The following CNOT1 variants were observed in gnomAD, a reference collection of about 807,000 sequenced individuals.
CNOT1 encodes the protein CCR4-NOT transcription complex subunit 1, also known as CCR4-associated factor 1.
In CNOT1, 15 loss-of-function variants were observed where a neutral mutation model predicts 273.8. That is an observed-to-expected ratio of 0.05 (90% CI 0.04 to 0.08). The LOEUF (loss-of-function observed/expected upper bound fraction) is 0.08. Ranked by LOEUF, CNOT1 falls within the 10% of genes least tolerant of loss-of-function variation. The pLI, the probability that CNOT1 is intolerant of heterozygous loss-of-function variation, is 1.00. For missense variants in CNOT1, 1,644 were observed against 2,912.2 expected (o/e 0.56, Z 10.02); for synonymous variants, 1,022 against 1,005.5 (o/e 1.02, Z -0.31).
intron 1 of CNOT1, among the ~76,000 whole-genome samples, chr16:58,611,200 G>A (rs533334114): frequency 6.6e-5 from 10 of 151,474 alleles, no homozygotes; most frequent in South Asian, 2.1e-4. Flanking sequence ...AGGCTGAGGC[G>A]GGTGGACTGC....
chr16:58,555,231 C>T lies in CNOT1; in HGVS notation c.2891+20G>A. On this transcript the variant is annotated intron_variant, in intron 21 of 48. Transcript: ENST00000317147. ...GCGGGGTCAGGGAAGAGATCCTTCA[C>T]AGGAAACCTATCCACTTACCTGTTT... The T allele has an allele frequency of 6.2e-7, 1 of 1,611,568 alleles. No individual in the cohort carries two copies. Among genetic ancestry groups the T allele is most frequent in the Non-Finnish European group, 8.5e-7 (1 of 1,178,704 alleles).
At chr16:58,590,350 A>C (rs1471449160) in intron 2 of CNOT1, among the ~76,000 whole-genome samples, 1 of 152,216 alleles carries the variant, frequency 6.6e-6, no homozygotes, top group African/African-American at 2.4e-5. Flanking sequence ...CATGATAATA[A>C]CATGAAAGCT....
chr16:58,543,853 T>C lies in CNOT1; in HGVS notation c.4188A>G (p.Ala1396=). The C allele has an allele frequency of 6.2e-7, 1 of 1,614,014 alleles. No individual in the cohort carries two copies. Among genetic ancestry groups the C allele is most frequent in the Non-Finnish European group, 8.5e-7 (1 of 1,180,000 alleles). The change falls in exon 31 of 49, where the codon GCA becomes GCG. Residue 1396 remains alanine, a synonymous_variant. Coordinates refer to ENST00000317147, the MANE Select transcript of CNOT1 (RefSeq NM_016284.5). ...CCAGCTCCTGGACAGCCCGTTCAAT[T>C]GCCTGACGCACACACTGCTTCAACT... is the stretch of plus-strand genomic sequence containing the variant. The part of the protein sequence containing the change: ...HPQLKQCVRQ[A]IERAVQELVH...
chr16:58,574,547 A>C (rs1033773093), intron 16 of CNOT1, 62 bp downstream of exon 16: 2 of 1,466,244 alleles, frequency 1.4e-6, no homozygotes, highest in Non-Finnish European at 1.8e-6. Context: ...TTCTTCCGCA[A>C]GTCTACAATT....
At chr16:58,610,577 C>T (rs1259965618) in intron 1 of CNOT1, among the ~76,000 whole-genome samples, 2 of 152,176 alleles carry the variant, frequency 1.3e-5, no homozygotes, top group East Asian at 1.9e-4. Context: ...GGCGCGGTGG[C>T]TCACACCTGT....
intron 1 of CNOT1, among the ~76,000 whole-genome samples, chr16:58,603,791 G>A (rs982991261): frequency 6.6e-6 from 1 of 152,054 alleles, no homozygotes; most frequent in Non-Finnish European, 1.5e-5. Context: ...TCTCAGTGAA[G>A]ACACTCTGAC....
At chr16:58,625,989 G>C (rs2043563172) in intron 1 of CNOT1, among the ~76,000 whole-genome samples, 1 of 152,004 alleles carries the variant, frequency 6.6e-6, no homozygotes, top group African/African-American at 2.4e-5. Flanking sequence ...TCTATATATA[G>C]AGTCACTCAA....
chr16:58,603,303 G>A (rs1177914055), intron 1 of CNOT1, among the ~76,000 whole-genome samples: 3 of 152,150 alleles, frequency 2.0e-5, no homozygotes, highest in Non-Finnish European at 4.4e-5. Context: ...GCTGAGGCAG[G>A]AGGACTGCTT....
At chr16:58,556,019 A>T (rs1365566396) in intron 19 of CNOT1, 111 bp from the exon 20 acceptor site, 11 of 1,504,236 alleles carry the variant, frequency 7.3e-6, no homozygotes, top group Non-Finnish European at 1.8e-6. Context: ...GAAATATAAA[A>T]AAACTGGAAA....
At chr16:58,589,503 ACGT>A (rs1411989792) in intron 2 of CNOT1, among the ~76,000 whole-genome samples, 1 of 152,042 alleles carries the variant, frequency 6.6e-6, no homozygotes, top group African/African-American at 2.4e-5. Context: ...CAAGAGTGAA[ACGT>A]CGTCTCAAAA....
rs548884375 is a variant in CNOT1, at chr16:58,599,422, C to T, written c.-85G>A. On this transcript the variant is annotated 5_prime_UTR_variant, in exon 2 of 49. Transcript: ENST00000317147. Reference sequence around the variant, plus strand: ...TAGTCACCTCAGAGGCAGGTTAATGCTTTCTTTGTAATTAGGCTATATCTG... The same window carrying T: ...TAGTCACCTCAGAGGCAGGTTAATGTTTTCTTTGTAATTAGGCTATATCTG... 6 of 1,547,026 alleles carry T rather than the reference C, an allele frequency of 3.9e-6. No homozygotes were observed. The South Asian group carries it at 4.5e-5, about 12-fold the overall frequency.
chr16:58,584,591 C>G (rs557740663), intron 8 of CNOT1, among the ~76,000 whole-genome samples: 35 of 152,248 alleles, frequency 2.3e-4, no homozygotes, highest in African/African-American at 8.4e-4. Context: ...CTCGGCCTCC[C>G]AAAGTGCTGG....
chr16:58,576,514 C>T lies in CNOT1; in HGVS notation c.1653G>A (p.Gln551=), dbSNP rs756452704. Residue 551 remains glutamine (Q), a synonymous_variant, in exon 14 of 49, where the codon CAG becomes CAA. Transcript: ENST00000317147. ...TTCGAGACAATTTGGCCTGATCATA[C>T]TGCTCCCCTCTCATGTACCATTCTG... ...AMAEWYMRGE[Q]YDQAKLSRIL... 3 of 1,614,098 alleles carry T rather than the reference C, an allele frequency of 1.9e-6. No individual in the cohort carries two copies. The highest frequency in any genetic ancestry group is 2.5e-6 in the Non-Finnish European group (3 of 1,180,048).
intron 45 of CNOT1, 60 bp downstream of exon 45, chr16:58,525,929 C>T: frequency 6.9e-7 from 1 of 1,447,456 alleles, no homozygotes; most frequent in Admixed American, 1.7e-5. Context: ...CACACAGGAC[C>T]ATACATAGAA....
chr16:58,551,916 C>G (rs1200719548), intron 22 of CNOT1, 97 bp from the exon 23 acceptor site: 1 of 1,500,140 alleles, frequency 6.7e-7, no homozygotes, highest in East Asian at 2.3e-5. Context: ...TGTCTGAGTG[C>G]TCTTTTGGTT....
At position 58,556,757 on chromosome 16, in the gene CNOT1, C is replaced by T. The variant is rs1443804950; in HGVS notation, c.2479+90G>A. The T allele has an allele frequency of 2.8e-5, 42 of 1,509,768 alleles. 1 individual carries two copies. The highest frequency in any genetic ancestry group is 3.5e-5 in the Non-Finnish European group (40 of 1,130,998). The allele number at this position is 1,509,768 out of a possible 1,614,324, so 93.5% of individuals were successfully genotyped here. On this transcript the variant is annotated intron_variant, in intron 19 of 48. Transcript: ENST00000317147. ...ATTCCCATTGGTCTAGGAGGCACATCAACACATGGCCCTACTAACACAAAT... is the reference window on the plus strand; with the variant it reads ...ATTCCCATTGGTCTAGGAGGCACATTAACACATGGCCCTACTAACACAAAT...
intron 4 of CNOT1, 40 bp from the exon 5 acceptor site, chr16:58,587,453 T>A: frequency 6.2e-7 from 1 of 1,609,250 alleles, no homozygotes. Flanking sequence ...AAGAACTTAC[T>A]TTTTCAAGAA....
intron 1 of CNOT1, among the ~76,000 whole-genome samples, chr16:58,602,903 C>T (rs558982813): frequency 2.1e-4 from 32 of 152,184 alleles, no homozygotes; most frequent in Middle Eastern, 6.8e-3. Flanking sequence ...AAAAAAGCTC[C>T]TTGTCTTCCC....
At chr16:58,580,332 G>A (rs1425753651) in intron 12 of CNOT1, among the ~76,000 whole-genome samples, 1 of 148,296 alleles carries the variant, frequency 6.7e-6, no homozygotes, top group Admixed American at 6.7e-5. Context: ...AAGCTCTACA[G>A]AGAAGAAATC....
Sources: allele counts gnomAD v4.1 joint callset (sites outside exome capture counted in the v4.1 genomes callset), GRCh38; gene constraint gnomAD v4.1.1; transcripts MANE v1.5; gene names NCBI Gene and HGNC (gene_info 2026-07-23, HGNC 2026-07-21).